STXBP5L: variants seen among roughly 807,000 people sequenced by gnomAD.
STXBP5L encodes syntaxin-binding protein 5-like.
Under a neutral mutation model 144.5 loss-of-function variants are expected in STXBP5L, and 65 were observed. The observed-to-expected ratio is 0.45, with a 90% CI of 0.37 to 0.55. The LOEUF is 0.55. Among genes scored for constraint, STXBP5L ranks in the 20% least tolerant of loss-of-function variants. STXBP5L has a pLI of 0.00. For synonymous variants in STXBP5L, 505 were observed against 469.6 expected (o/e 1.08, Z -0.97); for missense variants, 1,298 against 1,405.5 (o/e 0.92, Z 1.22).
At chr3:121,142,779 G>T (rs968563824) in intron 7 of STXBP5L, among the ~76,000 whole-genome samples, 1 of 151,714 alleles carries the variant, frequency 6.6e-6, no homozygotes, top group Non-Finnish European at 1.5e-5. Context: ...AGCAATAAAT[G>T]CTTACATTAA....
intron 3 of STXBP5L, among the ~76,000 whole-genome samples, chr3:120,973,944 T>G (rs1378153976): frequency 6.6e-6 from 1 of 152,346 alleles, no homozygotes; most frequent in East Asian, 1.9e-4. Flanking sequence ...TCAATCATTG[T>G]TGGACATTTG....
intron 22 of STXBP5L, 66 bp from the exon 23 acceptor site, chr3:121,407,177 C>CT: frequency 6.6e-7 from 1 of 1,505,582 alleles, no homozygotes; most frequent in Non-Finnish European, 8.9e-7. Context: ...CAATGTAAAA[C>CT]TTTAATTCCC....
chr3:120,910,970 G>T (rs1295676865), intron 2 of STXBP5L, among the ~76,000 whole-genome samples: 1 of 152,046 alleles, frequency 6.6e-6, no homozygotes, highest in African/African-American at 2.4e-5. Flanking sequence ...CTTAACAGTG[G>T]TTATGAGACA....
Position 121,041,697 on chromosome 3 carries a change from T to G in STXBP5L, c.288-3T>G. 6.2e-7 allele frequency: 1 copy of G among 1,609,974 alleles called. No homozygotes were observed. Among genetic ancestry groups the G allele is most frequent in the Non-Finnish European group, 8.5e-7 (1 of 1,176,750 alleles). ...TTAGAATCCTTGACTTTTATTATAT[T>G]AGACTCGGGAGACCTGGTGTTGATT... On this transcript the variant is annotated splice_polypyrimidine_tract_variant and splice_region_variant and intron_variant, in intron 3 of 26. Coordinates refer to ENST00000471454, the MANE Select transcript of STXBP5L (RefSeq NM_001308330.2).
intron 5 of STXBP5L, among the ~76,000 whole-genome samples, chr3:121,079,089 C>A (rs2042148558): frequency 6.6e-6 from 1 of 152,244 alleles, no homozygotes; most frequent in African/African-American, 2.4e-5. Flanking sequence ...GTGAGGGCTG[C>A]AAGGGCTGCC....
intron 18 of STXBP5L, among the ~76,000 whole-genome samples, chr3:121,266,093 A>G (rs2050555270): frequency 6.6e-6 from 1 of 152,194 alleles, no homozygotes. Context: ...ATTCAAAACA[A>G]TAGAAAAAGA....
intron 3 of STXBP5L, among the ~76,000 whole-genome samples, chr3:120,997,834 T>A (rs537641288): frequency 6.6e-6 from 1 of 152,208 alleles, no homozygotes; most frequent in African/African-American, 2.4e-5. Context: ...TATAAGCAAA[T>A]GAAATAGAAG....
intron 2 of STXBP5L, among the ~76,000 whole-genome samples, chr3:120,923,140 G>A (rs1709437940): frequency 6.6e-6 from 1 of 151,766 alleles, no homozygotes; most frequent in Non-Finnish European, 1.5e-5. Context: ...GCATACAGTT[G>A]TTCACAATAG....
intron 9 of STXBP5L, among the ~76,000 whole-genome samples, chr3:121,168,385 G>C (rs927315578): frequency 6.6e-6 from 1 of 152,024 alleles, no homozygotes. Context: ...GTAATAACAA[G>C]CTCCTCTGAG....
At chr3:121,103,476 G>A (rs1469485726) in intron 5 of STXBP5L, among the ~76,000 whole-genome samples, 2 of 152,064 alleles carry the variant, frequency 1.3e-5, no homozygotes, top group African/African-American at 2.4e-5. Flanking sequence ...GTATACATCG[G>A]AGCTAAACAT....
chr3:121,096,475 C>G (rs1236345813), intron 5 of STXBP5L, among the ~76,000 whole-genome samples: 2 of 152,174 alleles, frequency 1.3e-5, no homozygotes, highest in Non-Finnish European at 2.9e-5. Context: ...GCACTGGTTT[C>G]TCCCCATCTT....
chr3:121,269,935 A>G (rs2050688479), intron 18 of STXBP5L, among the ~76,000 whole-genome samples: 1 of 152,228 alleles, frequency 6.6e-6, no homozygotes, highest in Admixed American at 6.5e-5. Flanking sequence ...TGTTTATATT[A>G]GCCTGTGAGA....
chr3:121,045,109 A>T (rs1320394469), intron 4 of STXBP5L, among the ~76,000 whole-genome samples: 6 of 152,244 alleles, frequency 3.9e-5, no homozygotes, highest in African/African-American at 1.4e-4. Context: ...CAGTAGAAAC[A>T]AAAACCATCC....
chr3:121,090,722 C>T (rs2107731170), intron 5 of STXBP5L, among the ~76,000 whole-genome samples: 1 of 152,072 alleles, frequency 6.6e-6, no homozygotes, highest in Non-Finnish European at 1.5e-5. Flanking sequence ...TACAGTTTAG[C>T]TTTACTTCAT....
intron 3 of STXBP5L, among the ~76,000 whole-genome samples, chr3:120,966,274 A>T (rs1306498212): frequency 2.0e-5 from 3 of 152,150 alleles, no homozygotes; most frequent in Non-Finnish European, 4.4e-5. Context: ...TCCGAAGCCT[A>T]CTTCTGTCAA....
At chr3:121,070,039 G>C (rs1404709860) in intron 5 of STXBP5L, among the ~76,000 whole-genome samples, 1 of 152,074 alleles carries the variant, frequency 6.6e-6, no homozygotes, top group African/African-American at 2.4e-5. Context: ...TTTATTTCTT[G>C]ATTTCATTGT....
intron 5 of STXBP5L, among the ~76,000 whole-genome samples, chr3:121,084,106 T>C (rs1007579434): frequency 6.6e-6 from 1 of 152,158 alleles, no homozygotes; most frequent in Non-Finnish European, 1.5e-5. Context: ...ACTATTTTTT[T>C]TTACTCTGCT....
chr3:121,247,699 T>G (rs1037214091), intron 14 of STXBP5L, among the ~76,000 whole-genome samples: 10 of 152,244 alleles, frequency 6.6e-5, no homozygotes, highest in African/African-American at 2.2e-4. Flanking sequence ...ATATGTACTA[T>G]ATTTTCTTTA....
chr3:121,356,537 A>G (rs915623401), intron 20 of STXBP5L, among the ~76,000 whole-genome samples: 2 of 152,206 alleles, frequency 1.3e-5, no homozygotes, highest in Admixed American at 1.3e-4. Flanking sequence ...CATTGCTAAG[A>G]CTTTGGGAAA....
Sources: allele counts gnomAD v4.1 joint callset (sites outside exome capture counted in the v4.1 genomes callset), GRCh38; gene constraint gnomAD v4.1.1; transcripts MANE v1.5; gene names NCBI Gene and HGNC (gene_info 2026-07-23, HGNC 2026-07-21).